CILK1: variants seen among roughly 807,000 people sequenced by gnomAD.
The protein encoded by CILK1 is serine/threonine-protein kinase ICK.
CILK1 carries 47 observed loss-of-function variants against 79.2 expected under a neutral mutation model. The ratio of observed to expected loss-of-function variants is 0.59; its 90% confidence interval spans 0.47 to 0.76. CILK1 has a LOEUF of 0.76. CILK1 is among the 30% of genes least tolerant of loss of function. CILK1 has a pLI of 0.00. For synonymous variants in CILK1, 266 were observed against 275.9 expected (o/e 0.96, Z 0.36); for missense variants, 660 against 769.5 (o/e 0.86, Z 1.68).
chr6:53,061,038 T>C (rs935251925), intron 1 of CILK1: 4 of 152,252 alleles, frequency 2.6e-5, no homozygotes, highest in Non-Finnish European at 5.9e-5. Context: ...TGGAAAGGAA[T>C]ACTCTTCTCT....
At chr6:53,033,860 A>C (rs928294527) in intron 3 of CILK1, among the ~76,000 whole-genome samples, 42 of 152,132 alleles carry the variant, frequency 2.8e-4, no homozygotes, top group Non-Finnish European at 5.9e-4. Flanking sequence ...AGCAAAAGAG[A>C]ACAAAATAAG....
At chr6:53,038,606 T>C (rs893718799) in intron 2 of CILK1, among the ~76,000 whole-genome samples, 4 of 152,182 alleles carry the variant, frequency 2.6e-5, no homozygotes, top group Non-Finnish European at 5.9e-5. Context: ...CTTTTTAAAT[T>C]GGGGGACAAG....
intron 5 of CILK1, among the ~76,000 whole-genome samples, chr6:53,030,843 T>C (rs1765905196): frequency 6.6e-6 from 1 of 152,208 alleles, no homozygotes; most frequent in Non-Finnish European, 1.5e-5. Flanking sequence ...ACAAGCTTAA[T>C]GTTAAAGCCT....
intron 1 of CILK1, among the ~76,000 whole-genome samples, chr6:53,061,381 T>A (rs1039471354): frequency 6.6e-6 from 1 of 152,164 alleles, no homozygotes; most frequent in African/African-American, 2.4e-5. Context: ...GACTAAAAGA[T>A]AAACACCCGT....
Position 53,016,218 on chromosome 6 carries a change from A to G in CILK1, c.696T>C (p.Ser232=), listed in dbSNP as rs1337926251. 4 of 1,614,004 alleles carry G rather than the reference A, an allele frequency of 2.5e-6. No individual in the cohort carries two copies. The highest frequency in any genetic ancestry group is 1.7e-5 in the Admixed American group (1 of 60,008). Residue 232 remains serine (S), a synonymous_variant, in exon 8 of 14, where the codon AGT becomes AGC. Transcript: ENST00000676107. ...TDWPEGYQLS[S]AMNFRWPQCV... is the part of the protein sequence containing the mutation. Reference sequence around the variant, plus strand: ...ACTGTGGCCAACGGAAGTTCATTGCACTTGAAAGTTGATAGCCTTCAGGCC... The same window carrying G: ...ACTGTGGCCAACGGAAGTTCATTGCGCTTGAAAGTTGATAGCCTTCAGGCC...
chr6:53,008,267 G>A (rs1352896674), intron 12 of CILK1, among the ~76,000 whole-genome samples: 1 of 151,632 alleles, frequency 6.6e-6, no homozygotes, highest in Non-Finnish European at 1.5e-5. Context: ...AGTGATCCAA[G>A]ATTATCTTCA....
chr6:53,029,272 T>C (rs935367494), intron 5 of CILK1, among the ~76,000 whole-genome samples: 2 of 152,204 alleles, frequency 1.3e-5, no homozygotes, highest in Non-Finnish European at 2.9e-5. Flanking sequence ...GTCCCTAAGA[T>C]ACCATGCCAG....
intron 1 of CILK1, among the ~76,000 whole-genome samples, chr6:53,047,107 G>A (rs1348992069): frequency 6.6e-6 from 1 of 152,130 alleles, no homozygotes; most frequent in Non-Finnish European, 1.5e-5. Flanking sequence ...GCCCCAAGAA[G>A]CAGGTCAGGA....
intron 1 of CILK1, among the ~76,000 whole-genome samples, chr6:53,042,174 C>T (rs1274708812): frequency 2.6e-5 from 4 of 152,162 alleles, no homozygotes; most frequent in Non-Finnish European, 5.9e-5. Context: ...GCCCTTTACA[C>T]CGTTCACTAA....
At chr6:53,041,463 G>A (rs1022747499) in intron 1 of CILK1, 55 bp from the exon 2 acceptor site, 14 of 501,702 alleles carry the variant, frequency 2.8e-5, no homozygotes, top group East Asian at 3.7e-5. Context: ...TTGAGTATAC[G>A]TGTTTTTGTA....
chr6:53,031,307 A>C (rs1765947133), intron 4 of CILK1, among the ~76,000 whole-genome samples, 163 bp from the exon 5 acceptor site: 1 of 152,166 alleles, frequency 6.6e-6, no homozygotes, highest in African/African-American at 2.4e-5. Context: ...TAGTAAGCCA[A>C]AAAAAAGTTT....
In CILK1 at chr6:53,041,265, C is replaced by G; in HGVS notation, c.-29G>C. On this transcript the variant is annotated 5_prime_UTR_variant, in exon 2 of 14. Coordinates refer to ENST00000676107, the MANE Select transcript of CILK1 (RefSeq NM_014920.5). ...GTGCCTGCTCAGGCCGGACACTCATCTCACGGCCGAAGTGGTTCAGTTCTG... is the reference window on the plus strand; with the variant it reads ...GTGCCTGCTCAGGCCGGACACTCATGTCACGGCCGAAGTGGTTCAGTTCTG... 6.5e-7 allele frequency: 1 copy of G among 1,538,348 alleles called. No individual in the cohort carries two copies. The highest frequency in any genetic ancestry group is 1.1e-5 in the South Asian group (1 of 89,594).
chr6:53,024,871 C>T (rs1765475450), intron 5 of CILK1, among the ~76,000 whole-genome samples: 1 of 139,338 alleles, frequency 7.2e-6, no homozygotes, highest in South Asian at 2.3e-4. Context: ...TCTTGCTGGT[C>T]GCCCAGGCTG....
chr6:53,025,020 A>C (rs1184625807), intron 5 of CILK1, among the ~76,000 whole-genome samples: 3 of 151,756 alleles, frequency 2.0e-5, no homozygotes, highest in Non-Finnish European at 4.4e-5. Flanking sequence ...TTTAGTAGAG[A>C]CAGGATTTTG....
At chr6:53,014,907 T>C (rs956673842) in intron 8 of CILK1, among the ~76,000 whole-genome samples, 2 of 152,232 alleles carry the variant, frequency 1.3e-5, no homozygotes, top group African/African-American at 2.4e-5. Flanking sequence ...CATGCATCTG[T>C]TAAAAAACTG....
At chr6:53,057,658 A>G (rs1358592569) in intron 1 of CILK1, 1 of 152,216 alleles carries the variant, frequency 6.6e-6, no homozygotes, top group Non-Finnish European at 1.5e-5. Flanking sequence ...ATTCATTAGG[A>G]ACTATGTTCA....
At chr6:53,047,568 C>A (rs938913344) in intron 1 of CILK1, among the ~76,000 whole-genome samples, 13 of 141,932 alleles carry the variant, frequency 9.2e-5, no homozygotes, top group Non-Finnish European at 1.6e-4. Context: ...ACTTTGGCTT[C>A]CCAAAGTGCT....
chr6:53,008,818 C>A (rs1764391139), intron 12 of CILK1, among the ~76,000 whole-genome samples: 1 of 152,186 alleles, frequency 6.6e-6, no homozygotes, highest in Admixed American at 6.5e-5. Context: ...ATTAAACAAA[C>A]ACCTAATGGA....
chr6:53,058,264 C>T (rs1768076400), intron 1 of CILK1, among the ~76,000 whole-genome samples: 1 of 152,188 alleles, frequency 6.6e-6, no homozygotes, highest in Non-Finnish European at 1.5e-5. Flanking sequence ...ATGCCCATAT[C>T]AACCTTGGTT....
Sources: gnomAD v4.1 joint callset for allele counts (sites outside exome capture counted in the v4.1 genomes callset) on GRCh38, gnomAD v4.1.1 for gene constraint, MANE v1.5 for transcripts, NCBI Gene and HGNC (gene_info 2026-07-23, HGNC 2026-07-21) for gene names.